TMEM178B: variants seen among roughly 807,000 people sequenced by gnomAD.
TMEM178B encodes the protein transmembrane protein 178B.
A neutral mutation model predicts 31.0 loss-of-function variants in TMEM178B; 5 were observed. That is an observed-to-expected ratio of 0.16 (90% CI 0.08 to 0.34). The LOEUF (loss-of-function observed/expected upper bound fraction) is 0.34, where lower values mean the gene tolerates loss of function less well. Among genes scored for constraint, TMEM178B ranks in the 10% least tolerant of loss-of-function variants. The pLI is 1.00. For synonymous variants in TMEM178B, 164 were observed against 164.0 expected, an observed-to-expected ratio of 1.00 and a Z score of 0.00; for missense variants, 275 against 400.3, an observed-to-expected ratio of 0.69 and a Z score of 2.67.
At chr7:141,467,449 G>T (rs184578171) in intron 3 of TMEM178B, among the ~76,000 whole-genome samples, 1 of 152,112 alleles carries the variant, frequency 6.6e-6, no homozygotes, top group African/African-American at 2.4e-5. Context: ...GTCACCTTCC[G>T]TTGTTTCTAC....
intron 2 of TMEM178B, among the ~76,000 whole-genome samples, chr7:141,436,829 T>G (rs1801552496): frequency 6.6e-6 from 1 of 152,046 alleles, no homozygotes; most frequent in African/African-American, 2.4e-5. Context: ...ACCCTCTTCC[T>G]CCTGGAGCTG....
intron 3 of TMEM178B, among the ~76,000 whole-genome samples, chr7:141,463,243 G>A (rs1802089591): frequency 2.6e-5 from 4 of 152,178 alleles, no homozygotes; most frequent in South Asian, 4.1e-4. Context: ...GCTGCCTGGA[G>A]GACTGGGTTG....
intron 1 of TMEM178B, among the ~76,000 whole-genome samples, chr7:141,160,662 G>A (rs545541981): frequency 3.9e-5 from 6 of 152,258 alleles, no homozygotes; most frequent in African/African-American, 1.4e-4. Flanking sequence ...ACTATTGAGA[G>A]CGGGCACATG....
intron 1 of TMEM178B, among the ~76,000 whole-genome samples, chr7:141,140,779 T>C (rs1413054322): frequency 6.6e-6 from 1 of 152,218 alleles, no homozygotes; most frequent in African/African-American, 2.4e-5. Flanking sequence ...CTGATGTTTT[T>C]CTCATAATTA....
At chr7:141,494,205 G>A in the TMEM178B span, among the ~76,000 whole-genome samples, 1 of 152,184 alleles carries the variant, frequency 6.6e-6, no homozygotes. Context: ...AGGATCCCCT[G>A]ACTCTGCCAT....
intron 3 of TMEM178B, among the ~76,000 whole-genome samples, chr7:141,460,522 C>T (rs1271342724): frequency 3.9e-5 from 6 of 152,198 alleles, no homozygotes; most frequent in Admixed American, 3.3e-4. Flanking sequence ...TTTCCATGGC[C>T]ATCCGTAGAT....
At chr7:141,264,989 G>A (rs553092944) in intron 2 of TMEM178B, among the ~76,000 whole-genome samples, 1 of 152,138 alleles carries the variant, frequency 6.6e-6, no homozygotes, top group Non-Finnish European at 1.5e-5. Flanking sequence ...TATCACTAAT[G>A]GGGGAGATAT....
chr7:141,164,076 A>G (rs1215376207), intron 1 of TMEM178B, among the ~76,000 whole-genome samples: 1 of 152,068 alleles, frequency 6.6e-6, no homozygotes, highest in Non-Finnish European at 1.5e-5. Flanking sequence ...CTGAAACCTT[A>G]TTTTTTTCTG....
intron 2 of TMEM178B, among the ~76,000 whole-genome samples, chr7:141,336,892 TACCACCACCACCATCATCACCACC>T (rs1799403257): frequency 1.1e-4 from 2 of 18,930 alleles, no homozygotes; most frequent in Non-Finnish European, 2.2e-4. Context: ...CCATCACCGC[TACCACCACCACCATCATCACCACC>T]ACCACCACCA....
At chr7:141,083,048 G>A (rs1794712442) in intron 1 of TMEM178B, among the ~76,000 whole-genome samples, 1 of 151,964 alleles carries the variant, frequency 6.6e-6, no homozygotes, top group Non-Finnish European at 1.5e-5. Flanking sequence ...AGGCCTTCAG[G>A]CAGAATGCTA....
intron 2 of TMEM178B, among the ~76,000 whole-genome samples, chr7:141,268,736 G>A (rs1299550547): frequency 3.3e-5 from 5 of 152,260 alleles, no homozygotes; most frequent in African/African-American, 1.2e-4. Context: ...GGTTTTACCA[G>A]TGTGATCTCA....
chr7:141,484,441 C>T (rs1364709643), downstream of TMEM178B, among the ~76,000 whole-genome samples: 3 of 152,150 alleles, frequency 2.0e-5, no homozygotes, highest in South Asian at 2.1e-4. The surrounding 1 kb of genome is among the most constrained non-coding windows in gnomAD (Gnocchi z 4.8). Context: ...TCTACTGAAT[C>T]GAAATCTTCA....
intron 2 of TMEM178B, among the ~76,000 whole-genome samples, chr7:141,388,001 C>T: frequency 6.6e-6 from 1 of 152,228 alleles, no homozygotes; most frequent in Non-Finnish European, 1.5e-5. Flanking sequence ...GGCTGCCAAG[C>T]CGCACACCCT....
chr7:141,321,825 T>TCA (rs150459218), intron 2 of TMEM178B, among the ~76,000 whole-genome samples: 1,663 of 149,976 alleles, frequency 0.011, 27 homozygotes, highest in African/African-American at 0.036. Flanking sequence ...TTGTCCAACA[T>TCA]TAAAAAAAAA....
intron 2 of TMEM178B, among the ~76,000 whole-genome samples, chr7:141,216,436 T>TGTGTGTGTGTGTGTGC (rs1797148698): frequency 1.4e-5 from 1 of 73,286 alleles, no homozygotes; most frequent in African/African-American, 4.1e-5. Context: ...TGTGTGTGTG[T>TGTGTGTGTGTGTGTGC]GTGTGTGTGT....
At chr7:141,493,700 T>C in the TMEM178B span, among the ~76,000 whole-genome samples, 1 of 152,352 alleles carries the variant, frequency 6.6e-6, no homozygotes, top group Admixed American at 6.5e-5. Flanking sequence ...GGCAATGGTC[T>C]CTTTTTTTCA....
At chr7:141,453,747 A>G (rs953612069) in intron 3 of TMEM178B, among the ~76,000 whole-genome samples, 21 of 152,348 alleles carry the variant, frequency 1.4e-4, no homozygotes, top group African/African-American at 4.6e-4. Context: ...ATGTCCATCT[A>G]TCAAAGGAAA....
At chr7:141,180,289 A>C (rs1277302116) in intron 1 of TMEM178B, among the ~76,000 whole-genome samples, 1 of 152,012 alleles carries the variant, frequency 6.6e-6, no homozygotes, top group Admixed American at 6.6e-5. Context: ...AGCCTGGTCA[A>C]CATGATGAAA....
chr7:141,098,340 C>A (rs1794999318), intron 1 of TMEM178B, among the ~76,000 whole-genome samples: 1 of 152,182 alleles, frequency 6.6e-6, no homozygotes. Flanking sequence ...CAGAACTGCC[C>A]TCTTGAAGGG....
Sources: gnomAD v4.1 joint callset for allele counts (sites outside exome capture counted in the v4.1 genomes callset) on GRCh38, gnomAD v4.1.1 for gene constraint, Gnocchi (gnomAD v3.1) non-coding constraint, MANE v1.5 for transcripts, NCBI Gene and HGNC (gene_info 2026-07-23, HGNC 2026-07-21) for gene names.